ARHGEF6: variants seen among roughly 807,000 people sequenced by gnomAD.
ARHGEF6 encodes the protein rho guanine nucleotide exchange factor 6.
ARHGEF6 carries 9 observed loss-of-function variants against 70.3 expected under a neutral mutation model. The observed-to-expected ratio is 0.13, with a 90% CI of 0.08 to 0.22. The LOEUF is 0.22. Ranked by LOEUF, ARHGEF6 falls within the 10% of genes least tolerant of loss-of-function variation. ARHGEF6 has a pLI of 1.00. For missense variants in ARHGEF6, 470 were observed against 563.0 expected (o/e 0.83, Z 1.67); for synonymous variants, 201 against 207.8 (o/e 0.97, Z 0.28).
intron 2 of ARHGEF6, among the ~76,000 whole-genome samples, chrX:136,749,336 G>A (rs978209729): frequency 1.8e-5 from 2 of 111,280 alleles, no homozygotes; most frequent in Non-Finnish European, 3.8e-5. Context: ...CAAAATAGTA[G>A]CAAAGCAAAA....
At chrX:136,754,257 G>A (rs753735687) in intron 2 of ARHGEF6, among the ~76,000 whole-genome samples, 3 of 110,889 alleles carry the variant, frequency 2.7e-5, no homozygotes, top group African/African-American at 9.8e-5. Flanking sequence ...TCTTAGTGGG[G>A]CCAGTCACAG....
At chrX:136,717,446 C>T (rs1280870104) in intron 6 of ARHGEF6, among the ~76,000 whole-genome samples, 1 of 111,405 alleles carries the variant, frequency 9.0e-6, no homozygotes, top group African/African-American at 3.3e-5. Flanking sequence ...ACCATTAGAC[C>T]TGCCTTGCAA....
chrX:136,743,606 C>T lies in ARHGEF6; in HGVS notation c.640G>A (p.Val214Ile). ...GRTGWFPSNY[V>I]REIKSSERPL... ...TTACCACTGGATTTAATTTCACGGA[C>T]ATAATTACTGGGGAACCAGCCTGTT... The change falls in exon 5 of 22, where the codon GTC becomes ATC. Residue 214 changes from valine (V) to isoleucine (I), a missense_variant. Physicochemically the swap from Val to Ile is conservative, Grantham distance 29. Coordinates refer to ENST00000250617, the MANE Select transcript of ARHGEF6 (RefSeq NM_004840.3). The T allele has an allele frequency of 4.1e-6, 5 of 1,211,780 alleles. No individual in the cohort carries two copies. Among genetic ancestry groups the T allele is most frequent in the Non-Finnish European group, 5.6e-6 (5 of 895,369 alleles).
At chrX:136,704,034 C>T (rs1220066371) in intron 9 of ARHGEF6, among the ~76,000 whole-genome samples, 2 of 112,464 alleles carry the variant, frequency 1.8e-5, no homozygotes, top group African/African-American at 3.2e-5. Flanking sequence ...TGGTAAGAAT[C>T]TAATATCCAG....
intron 2 of ARHGEF6, among the ~76,000 whole-genome samples, chrX:136,753,389 C>T (rs1230843649): frequency 2.7e-5 from 3 of 111,817 alleles, no homozygotes; most frequent in African/African-American, 9.8e-5. Flanking sequence ...AGGAAAGCAA[C>T]ACTACCTTTA....
chrX:136,714,344 C>T (rs2076715924), intron 6 of ARHGEF6, among the ~76,000 whole-genome samples: 1 of 111,501 alleles, frequency 9.0e-6, no homozygotes, highest in Non-Finnish European at 1.9e-5. Context: ...ACATGTATAC[C>T]TATGGAACGA....
chrX:136,744,134 C>T (rs995814122), intron 4 of ARHGEF6, among the ~76,000 whole-genome samples: 11 of 111,261 alleles, frequency 9.9e-5, no homozygotes, highest in African/African-American at 3.6e-4. Context: ...GCTATTCCAC[C>T]CTGCCTCTAC....
chrX:136,700,063 G>A (rs1218975168), intron 9 of ARHGEF6, among the ~76,000 whole-genome samples: 1 of 110,890 alleles, frequency 9.0e-6, no homozygotes, highest in African/African-American at 3.3e-5. Context: ...TCAATTTCCA[G>A]GGACTCAGGT....
intron 6 of ARHGEF6, among the ~76,000 whole-genome samples, chrX:136,720,863 CA>C (rs2076789504): frequency 9.0e-6 from 1 of 111,182 alleles, no homozygotes; most frequent in Non-Finnish European, 1.9e-5. Flanking sequence ...CAGCAATAAA[CA>C]AAATCTGAAA....
At chrX:136,745,077 G>A (rs2077081863) in intron 4 of ARHGEF6, 146 bp downstream of exon 4, 1 of 812,479 alleles carries the variant, frequency 1.2e-6, no homozygotes, top group Admixed American at 2.3e-5. Flanking sequence ...GGGCCAGCCT[G>A]AATTGGTGCT....
intron 17 of ARHGEF6, among the ~76,000 whole-genome samples, chrX:136,677,047 G>C (rs904642095): frequency 8.9e-6 from 1 of 112,207 alleles, no homozygotes; most frequent in Non-Finnish European, 1.9e-5. Flanking sequence ...CCCTAAAAAC[G>C]TAACAGTATT....
chrX:136,675,324 C>A (rs1470187612), intron 18 of ARHGEF6, among the ~76,000 whole-genome samples: 1 of 106,482 alleles, frequency 9.4e-6, no homozygotes, highest in Non-Finnish European at 1.9e-5. Context: ...ACTCCTGAAG[C>A]CCAGAGCTCT....
intron 21 of ARHGEF6, among the ~76,000 whole-genome samples, chrX:136,668,817 T>C (rs1258862759): frequency 9.0e-6 from 1 of 110,825 alleles, no homozygotes; most frequent in Non-Finnish European, 1.9e-5. Context: ...GGCACCACCA[T>C]ATGCAACCAG....
intron 9 of ARHGEF6, 92 bp downstream of exon 9, chrX:136,706,816 T>C (rs1444126287): frequency 1.9e-6 from 2 of 1,071,127 alleles, no homozygotes; most frequent in African/African-American, 3.7e-5. Flanking sequence ...ACAGGGATAA[T>C]CAAGAGTCCA....
At chrX:136,733,715 T>C (rs778319322) in intron 5 of ARHGEF6, among the ~76,000 whole-genome samples, 1 of 112,668 alleles carries the variant, frequency 8.9e-6, no homozygotes, top group African/African-American at 3.2e-5. Flanking sequence ...GCAGACTATC[T>C]TCTCATTTTA....
At chrX:136,708,509 CTG>C (rs757988047) in intron 8 of ARHGEF6, among the ~76,000 whole-genome samples, 164 bp downstream of exon 8, 7 of 112,073 alleles carry the variant, frequency 6.2e-5, no homozygotes, top group Admixed American at 1.9e-4. Flanking sequence ...TGGTTTGACA[CTG>C]TGAACACTGC....
chrX:136,772,861 TCAAA>T (rs765719041), intron 2 of ARHGEF6, among the ~76,000 whole-genome samples: 4 of 111,874 alleles, frequency 3.6e-5, no homozygotes, highest in Non-Finnish European at 5.6e-5. Flanking sequence ...AGACTCCGTC[TCAAA>T]CAAACAGACA....
Position 136,754,900 on chromosome X carries a change from G to A in ARHGEF6, c.250-7308C>T, listed in dbSNP as rs1456946219. The stretch of plus-strand genomic sequence containing the variant: ...GATGGGTGATCTCTCAGCTGCTGGA[G>A]CATCTGTGTGCCAGACATGAGGGTG... On this transcript the variant is annotated intron_variant, in intron 2 of 21. Transcript: ENST00000250617. 3.3e-4 allele frequency among the ~76,000 whole-genome samples: 37 copies of A among 111,407 alleles called. 1 individual carries two copies. Among genetic ancestry groups the A allele is most frequent in the Non-Finnish European group, 3.6e-4 (19 of 53,008 alleles).
chrX:136,686,529 T>C (rs1274138648), intron 11 of ARHGEF6, among the ~76,000 whole-genome samples: 3 of 98,064 alleles, frequency 3.1e-5, no homozygotes, highest in Non-Finnish European at 4.1e-5. Flanking sequence ...AAGAAAAAAT[T>C]ACAGTTTGCC....
Sources: allele counts gnomAD v4.1 joint callset (sites outside exome capture counted in the v4.1 genomes callset), GRCh38; gene constraint gnomAD v4.1.1; transcripts MANE v1.5; gene names NCBI Gene and HGNC (gene_info 2026-07-23, HGNC 2026-07-21).